MYO10: variants seen among roughly 807,000 people sequenced by gnomAD.
MYO10 encodes the protein unconventional myosin-X.
MYO10 carries 133 observed loss-of-function variants against 257.3 expected under a neutral mutation model. The observed-to-expected ratio is 0.52, with a 90% CI of 0.45 to 0.60. MYO10 has a LOEUF of 0.60. MYO10 is among the 20% of genes least tolerant of loss of function. MYO10 has a pLI of 0.00. For missense variants in MYO10, 2,399 were observed against 2,635.7 expected (o/e 0.91, Z 1.97); for synonymous variants, 1,104 against 1,028.6 (o/e 1.07, Z -1.40).
intron 3 of MYO10, chr5:16,815,496 A>G (rs1260574548): frequency 1.4e-6 from 1 of 693,738 alleles, no homozygotes. Flanking sequence ...AAAAATTTTA[A>G]AATCCAGGTT....
intron 19 of MYO10, among the ~76,000 whole-genome samples, chr5:16,723,201 AG>A (rs1739222771): frequency 6.6e-6 from 1 of 151,772 alleles, no homozygotes; most frequent in South Asian, 2.1e-4. Context: ...TGGCTAACAC[AG>A]TGAAACCCCG....
chr5:16,758,477 G>A (rs112547355), intron 17 of MYO10, among the ~76,000 whole-genome samples: 142 of 152,308 alleles, frequency 9.3e-4, no homozygotes, highest in Non-Finnish European at 1.1e-3. Context: ...GACAAAGGGT[G>A]GAATCCCACT....
chr5:16,716,305 C>T (rs1308850422), intron 19 of MYO10, among the ~76,000 whole-genome samples: 1 of 151,948 alleles, frequency 6.6e-6, no homozygotes, highest in East Asian at 1.9e-4. Flanking sequence ...AAACCCTCTA[C>T]AAAAATCACT....
At chr5:16,884,098 A>G (rs1483573796) in intron 1 of MYO10, among the ~76,000 whole-genome samples, 1 of 152,150 alleles carries the variant, frequency 6.6e-6, no homozygotes, top group Admixed American at 6.5e-5. Flanking sequence ...TTTCCTTTTT[A>G]AAGATGCAGA....
chr5:16,728,397 G>A (rs997545149), intron 19 of MYO10, among the ~76,000 whole-genome samples: 1 of 152,014 alleles, frequency 6.6e-6, no homozygotes, highest in Admixed American at 6.6e-5. Flanking sequence ...AGGTACCTGG[G>A]GACTTTCTTT....
rs1442447210 is a variant in MYO10, at chr5:16,935,987, AC to A, written c.-180del. 1 of 704,162 alleles carries A rather than the reference AC, an allele frequency of 1.4e-6. No individual in the cohort carries two copies. The highest frequency in any genetic ancestry group is 2.4e-6 in the Non-Finnish European group (1 of 417,420). 43.6% of individuals were successfully genotyped at this position (704,162 alleles called of 1,614,324 possible). A position where few individuals can be genotyped will look rare whatever the true frequency, so the allele number is the denominator to read the frequency against. ...TCCTTCTCACCTTTTGTTCGCCCAA[AC>A]CCAAGTCCCTAACTCGCCCGTCCCG... On this transcript the variant is annotated 5_prime_UTR_variant, in exon 1 of 41. Coordinates refer to ENST00000513610, the MANE Select transcript of MYO10 (RefSeq NM_012334.3).
intron 3 of MYO10, chr5:16,815,347 C>A: frequency 1.5e-6 from 1 of 659,908 alleles, no homozygotes; most frequent in South Asian, 1.7e-5. Context: ...ATTCAAAATC[C>A]AAAATATTCC....
At chr5:16,671,964 G>T (rs1474895768) in intron 37 of MYO10, among the ~76,000 whole-genome samples, 1 of 152,222 alleles carries the variant, frequency 6.6e-6, no homozygotes, top group East Asian at 1.9e-4. Context: ...GAATACCTTC[G>T]CGCTACTTCG....
At chr5:16,867,061 C>G (rs1451857337) in intron 2 of MYO10, among the ~76,000 whole-genome samples, 1 of 152,218 alleles carries the variant, frequency 6.6e-6, no homozygotes, top group Non-Finnish European at 1.5e-5. Context: ...CGCACCCGGG[C>G]AGCTGCCTTG....
chr5:16,826,795 T>C (rs921832389), intron 2 of MYO10, among the ~76,000 whole-genome samples: 3 of 152,204 alleles, frequency 2.0e-5, no homozygotes, highest in Non-Finnish European at 4.4e-5. Context: ...CTTTCGTGTA[T>C]TGGCTCTTTA....
Position 16,711,177 on chromosome 5 carries a change from C to T in MYO10, c.1998G>A (p.Val666=), listed in dbSNP as rs762622655. Residue 666 remains valine, a synonymous_variant, in exon 20 of 41, where the codon GTG becomes GTA. Coordinates refer to ENST00000513610, the MANE Select transcript of MYO10 (RefSeq NM_012334.3). ...QLRYSGMLET[V]RIRKAGYAVR... is the part of the protein sequence containing the mutation. ...CCGCATACCCAGCTTTGCGGATTCT[C>T]ACAGTCTCCAGCATCCCTGAGTACC... 6.2e-7 allele frequency: 1 copy of T among 1,613,704 alleles called. No homozygotes were observed. Among genetic ancestry groups the T allele is most frequent in the Admixed American group, 1.7e-5 (1 of 59,968 alleles).
chr5:16,696,623 T>C (rs1272173295), intron 26 of MYO10, among the ~76,000 whole-genome samples: 2 of 66,688 alleles, frequency 3.0e-5, no homozygotes, highest in African/African-American at 1.4e-4. Context: ...TTTGGGAGGC[T>C]GAGGCGGGTG....
intron 4 of MYO10, among the ~76,000 whole-genome samples, chr5:16,787,563 T>C (rs1741622307): frequency 6.8e-6 from 1 of 148,058 alleles, no homozygotes; most frequent in South Asian, 2.1e-4. Context: ...CAAAAATGTG[T>C]GCATTCAGAT....
At chr5:16,797,337 A>G (rs868837364) in intron 3 of MYO10, among the ~76,000 whole-genome samples, 1 of 152,224 alleles carries the variant, frequency 6.6e-6, no homozygotes, top group Non-Finnish European at 1.5e-5. Flanking sequence ...CAGAAGTCCA[A>G]AACACTTCAG....
intron 34 of MYO10, among the ~76,000 whole-genome samples, chr5:16,675,592 G>A (rs1736686742): frequency 6.6e-6 from 1 of 152,012 alleles, no homozygotes; most frequent in African/African-American, 2.4e-5. Flanking sequence ...TCAAAAATTA[G>A]CTGGATGTGG....
At chr5:16,824,111 C>G (rs1007129963) in intron 2 of MYO10, among the ~76,000 whole-genome samples, 1 of 152,140 alleles carries the variant, frequency 6.6e-6, no homozygotes, top group Non-Finnish European at 1.5e-5. Context: ...GGCTTATACA[C>G]AGATTTCTTT....
At chr5:16,838,310 A>G (rs1040308885) in intron 2 of MYO10, among the ~76,000 whole-genome samples, 3 of 152,388 alleles carry the variant, frequency 2.0e-5, no homozygotes, top group African/African-American at 7.2e-5. Context: ...GTGCCACTAC[A>G]GTGAACAAAT....
At chr5:16,710,121 G>T (rs1239777014) in intron 21 of MYO10, among the ~76,000 whole-genome samples, 1 of 152,200 alleles carries the variant, frequency 6.6e-6, no homozygotes, top group South Asian at 2.1e-4. Flanking sequence ...ACTGCTGTGT[G>T]TAAGGGCAGA....
At chr5:16,713,698 C>T (rs571579308) in intron 19 of MYO10, among the ~76,000 whole-genome samples, 3 of 152,260 alleles carry the variant, frequency 2.0e-5, no homozygotes, top group East Asian at 3.9e-4. Context: ...ATCACAATCA[C>T]GAGGGGGTAG....
Sources: gnomAD v4.1 joint callset for allele counts (sites outside exome capture counted in the v4.1 genomes callset) on GRCh38, gnomAD v4.1.1 for gene constraint, MANE v1.5 for transcripts, NCBI Gene and HGNC (gene_info 2026-07-23, HGNC 2026-07-21) for gene names.